The following ARHGEF33 variants were observed in gnomAD, a reference collection of about 807,000 sequenced individuals.
The protein encoded by ARHGEF33 is DH and coiled-coil domain-containing protein ENSP00000381780.
Under a neutral mutation model 101.9 loss-of-function variants are expected in ARHGEF33, and 72 were observed. That is an observed-to-expected ratio of 0.71 (90% CI 0.58 to 0.86). The LOEUF (loss-of-function observed/expected upper bound fraction) is 0.86, where lower values mean the gene tolerates loss of function less well. Among genes scored for constraint, ARHGEF33 ranks in the 40% least tolerant of loss-of-function variants. ARHGEF33 has a pLI of 0.00. For missense variants in ARHGEF33, 1,169 were observed against 1,111.3 expected (o/e 1.05, Z -0.74); for synonymous variants, 499 against 442.5 (o/e 1.13, Z -1.60).
intron 10 of ARHGEF33, among the ~76,000 whole-genome samples, chr2:38,950,406 T>C (rs1206441575): frequency 2.6e-5 from 4 of 152,172 alleles, no homozygotes; most frequent in East Asian, 1.9e-4. Flanking sequence ...TAAATGAGCA[T>C]GTAAAAAGGT....
intron 8 of ARHGEF33, 57 bp from the exon 9 acceptor site, chr2:38,937,278 A>T: frequency 1.2e-6 from 1 of 849,258 alleles, no homozygotes; most frequent in Non-Finnish European, 1.9e-6. Context: ...CATATTTTTT[A>T]AAAAGATTTT....
intron 2 of ARHGEF33, among the ~76,000 whole-genome samples, chr2:38,906,869 G>T (rs1666403516): frequency 6.6e-6 from 1 of 151,256 alleles, no homozygotes. Context: ...GAGGTGGGAA[G>T]ATTGCTTGAG....
intron 16 of ARHGEF33, among the ~76,000 whole-genome samples, chr2:38,961,642 T>G (rs1667942228): frequency 6.6e-6 from 1 of 152,190 alleles, no homozygotes; most frequent in African/African-American, 2.4e-5. Context: ...GTTCTTGTCT[T>G]GTACCAGGCT....
At chr2:38,891,250 C>G (rs1030968549) in intron 1 of ARHGEF33, among the ~76,000 whole-genome samples, 2 of 152,024 alleles carry the variant, frequency 1.3e-5, no homozygotes, top group African/African-American at 4.8e-5. Context: ...TTAACTTTTT[C>G]TTAATTCCCT....
intron 3 of ARHGEF33, among the ~76,000 whole-genome samples, chr2:38,921,118 A>G (rs1666746817): frequency 6.6e-6 from 1 of 152,218 alleles, no homozygotes; most frequent in Non-Finnish European, 1.5e-5. Flanking sequence ...AGTTTGGTTG[A>G]GAAACTTCCC....
intron 2 of ARHGEF33, among the ~76,000 whole-genome samples, chr2:38,904,827 G>T (rs74862679): frequency 6.6e-6 from 1 of 152,180 alleles, no homozygotes; most frequent in African/African-American, 2.4e-5. Context: ...GCAGTGAAGA[G>T]GATGGATGAA....
At chr2:38,938,074 A>G (rs867059961) in intron 9 of ARHGEF33, among the ~76,000 whole-genome samples, 1 of 152,168 alleles carries the variant, frequency 6.6e-6, no homozygotes, top group Non-Finnish European at 1.5e-5. Flanking sequence ...AGTCAAATAC[A>G]TGAAAAAAAG....
rs2124424410 is a variant in ARHGEF33 at position 38,960,583 on chromosome 2, T to C, written c.2278T>C (p.Ser760Pro). 1 of 1,376,684 alleles carries C rather than the reference T, an allele frequency of 7.3e-7. No homozygotes were observed. The highest frequency in any genetic ancestry group is 9.5e-7 in the Non-Finnish European group (1 of 1,048,054). 85.3% of individuals were successfully genotyped at this position (1,376,684 alleles called of 1,614,324 possible). The change falls in exon 16 of 18, where the codon TCC becomes CCC. Residue 760 changes from serine (S) to proline (P), a missense_variant. Coordinates refer to ENST00000409978, the MANE Select transcript of ARHGEF33 (RefSeq NM_001145451.5). ...CGCCGCCGTCGCCGCCCGCGGCGCA[T>C]CCAGGACCTTCTTCCCCCAACAGAG... is the stretch of plus-strand genomic sequence containing the variant. ...AAAAVAARGA[S>P]RTFFPQQRSQ... is the part of the protein sequence containing the mutation.
chr2:38,930,474 A>G (rs1029559350), intron 6 of ARHGEF33, among the ~76,000 whole-genome samples: 1 of 151,612 alleles, frequency 6.6e-6, no homozygotes, highest in Non-Finnish European at 1.5e-5. Flanking sequence ...CAGTCTCCTG[A>G]GTAGCTGGGA....
intron 10 of ARHGEF33, 139 bp downstream of exon 10, chr2:38,944,169 C>G (rs894690032): frequency 1.2e-6 from 1 of 824,140 alleles, no homozygotes; most frequent in African/African-American, 1.7e-5. Context: ...GCAGTGATGG[C>G]AGATGTCTCA....
intron 4 of ARHGEF33, among the ~76,000 whole-genome samples, chr2:38,922,981 C>A (rs1666794976): frequency 6.6e-6 from 1 of 152,134 alleles, no homozygotes; most frequent in East Asian, 1.9e-4. Flanking sequence ...CTTTCCCTGC[C>A]CACTTCCCCT....
chr2:38,890,331 G>A (rs987240600), intron 1 of ARHGEF33, among the ~76,000 whole-genome samples: 1 of 152,176 alleles, frequency 6.6e-6, no homozygotes, highest in East Asian at 1.9e-4. Context: ...GCGTAAATCT[G>A]ACATGGACAT....
intron 8 of ARHGEF33, 150 bp from the exon 9 acceptor site, chr2:38,937,185 A>T: frequency 8.5e-6 from 5 of 585,758 alleles, no homozygotes; most frequent in East Asian, 2.8e-5. Flanking sequence ...TAGTAGAGAC[A>T]GGGTTTCACC....
intron 14 of ARHGEF33, 107 bp from the exon 15 acceptor site, chr2:38,957,927 C>G: frequency 7.3e-7 from 1 of 1,365,872 alleles, no homozygotes. Flanking sequence ...GAGACCTTCA[C>G]AGCAAACTTT....
intron 9 of ARHGEF33, among the ~76,000 whole-genome samples, chr2:38,937,865 C>G (rs1231046733): frequency 6.6e-6 from 1 of 152,078 alleles, no homozygotes; most frequent in Admixed American, 6.6e-5. Context: ...GATGTGGTAT[C>G]TTCTAGAAAC....
At chr2:38,918,572 C>G (rs946027544) in intron 2 of ARHGEF33, among the ~76,000 whole-genome samples, 1 of 152,200 alleles carries the variant, frequency 6.6e-6, no homozygotes, top group African/African-American at 2.4e-5. Flanking sequence ...TCTGACCTTG[C>G]AGCTTCATGT....
chr2:38,959,674 G>T, intron 15 of ARHGEF33, 167 bp from the exon 16 acceptor site: 1 of 712,082 alleles, frequency 1.4e-6, no homozygotes. Flanking sequence ...TCCACTCTCC[G>T]CCTGGGAACG....
intron 7 of ARHGEF33, 109 bp downstream of exon 7, chr2:38,931,360 C>T (rs1478476382): frequency 3.3e-5 from 33 of 1,012,074 alleles, no homozygotes; most frequent in Non-Finnish European, 4.6e-5. Context: ...GGTGTATTGC[C>T]TAGAATTTTT....
intron 13 of ARHGEF33, among the ~76,000 whole-genome samples, chr2:38,956,185 T>C (rs1008894481): frequency 2.0e-5 from 3 of 152,162 alleles, no homozygotes. Context: ...TTGCAAATAG[T>C]AGAATATGGC....
Sources: allele counts gnomAD v4.1 joint callset (sites outside exome capture counted in the v4.1 genomes callset), GRCh38; gene constraint gnomAD v4.1.1; transcripts MANE v1.5; gene names NCBI Gene and HGNC (gene_info 2026-07-23, HGNC 2026-07-21).